The following CNGA1 variants were observed in gnomAD, a reference collection of about 807,000 sequenced individuals.
The protein encoded by CNGA1 is cyclic nucleotide gated channel subunit alpha 1, also known as cyclic nucleotide-gated channel alpha-1.
A neutral mutation model predicts 69.7 loss-of-function variants in CNGA1; 53 were observed. The observed-to-expected ratio is 0.76, with a 90% CI of 0.61 to 0.96. The LOEUF is 0.96. CNGA1 is among the 40% of genes least tolerant of loss of function. The pLI is 0.00. For synonymous variants in CNGA1, 249 were observed against 283.5 expected, an observed-to-expected ratio of 0.88 and a Z score of 1.22; for missense variants, 739 against 811.2, an observed-to-expected ratio of 0.91 and a Z score of 1.08.
chr4:47,982,893 C>T (rs1224422126), intron 2 of CNGA1, among the ~76,000 whole-genome samples: 3 of 152,148 alleles, frequency 2.0e-5, no homozygotes, highest in Non-Finnish European at 2.9e-5. Flanking sequence ...CAGCCTCCAT[C>T]TCCCAGGTTC....
chr4:47,939,237 C>T (rs1738918964), intron 10 of CNGA1, among the ~76,000 whole-genome samples: 1 of 152,130 alleles, frequency 6.6e-6, no homozygotes, highest in Non-Finnish European at 1.5e-5. Flanking sequence ...AATAGTCCAT[C>T]ATGCCTCCAT....
chr4:47,946,682 C>G (rs1387257172), intron 6 of CNGA1, among the ~76,000 whole-genome samples: 4 of 152,252 alleles, frequency 2.6e-5, no homozygotes, highest in Non-Finnish European at 4.4e-5. Flanking sequence ...ATCAATCCGT[C>G]ATATGATGAA....
intron 10 of CNGA1, among the ~76,000 whole-genome samples, chr4:47,939,633 C>G (rs1484381426): frequency 6.6e-6 from 1 of 152,158 alleles, no homozygotes; most frequent in African/African-American, 2.4e-5. Context: ...AGCCCTTAAC[C>G]TGTTGGGCCT....
At chr4:47,975,202 T>C (rs1741285331) in intron 3 of CNGA1, among the ~76,000 whole-genome samples, 1 of 152,164 alleles carries the variant, frequency 6.6e-6, no homozygotes, top group African/African-American at 2.4e-5. Flanking sequence ...AAAATAATAA[T>C]TATCCTTATA....
intron 2 of CNGA1, among the ~76,000 whole-genome samples, chr4:48,003,178 TG>T (rs924305430): frequency 6.6e-6 from 1 of 152,102 alleles, no homozygotes; most frequent in Admixed American, 6.5e-5. Context: ...TGGTTCTGTC[TG>T]GAAAGGCAGG....
intron 3 of CNGA1, among the ~76,000 whole-genome samples, chr4:47,961,721 G>C (rs12499841): frequency 0.64 from 97,649 of 152,046 alleles, 31,761 homozygotes; most frequent in Non-Finnish European, 0.69. Flanking sequence ...GAGCAAGATT[G>C]TGTTTCAAAA....
rs116846516 is a variant in CNGA1 at position 47,982,142 on chromosome 4, A to G, written c.-122-642T>C. 3.0e-4 allele frequency among the ~76,000 whole-genome samples: 45 copies of G among 152,338 alleles called. No homozygotes were observed. The East Asian group carries it at 8.7e-3, about 29-fold the overall frequency. On this transcript the variant is annotated intron_variant, in intron 2 of 10. Transcript: ENST00000514170. ...TAACCTAAAAGTAAATTTCCCTAAG[A>G]ACTCTTTTATGCAATATATGACAGG...
At chr4:47,956,562 G>A (rs1009932689) in intron 3 of CNGA1, among the ~76,000 whole-genome samples, 17 of 152,248 alleles carry the variant, frequency 1.1e-4, no homozygotes, top group African/African-American at 3.6e-4. Context: ...CTATTTCCAA[G>A]AATTAAAGCT....
At chr4:47,956,815 ATTG>A (rs1358876514) in intron 3 of CNGA1, among the ~76,000 whole-genome samples, 3 of 152,154 alleles carry the variant, frequency 2.0e-5, no homozygotes, top group African/African-American at 4.8e-5. Context: ...TTTTGTTGCT[ATTG>A]TTGTTGTTTG....
chr4:47,939,354 A>G (rs1328724667), intron 10 of CNGA1, among the ~76,000 whole-genome samples: 1 of 152,230 alleles, frequency 6.6e-6, no homozygotes, highest in Non-Finnish European at 1.5e-5. Context: ...CCATGGGGAC[A>G]AAAGCCCCTG....
chr4:47,977,359 G>A (rs2110210781), intron 3 of CNGA1, among the ~76,000 whole-genome samples: 1 of 152,260 alleles, frequency 6.6e-6, no homozygotes, highest in Middle Eastern at 3.4e-3. Context: ...GCTAAGGAGG[G>A]AGGCCTCAGA....
chr4:47,983,587 C>T (rs1200529341), intron 2 of CNGA1, among the ~76,000 whole-genome samples: 1 of 151,474 alleles, frequency 6.6e-6, no homozygotes, highest in Admixed American at 6.6e-5. Flanking sequence ...GAGACTTTGT[C>T]TCAAAAACAA....
At chr4:48,002,194 G>A (rs1035680100) in intron 2 of CNGA1, among the ~76,000 whole-genome samples, 12 of 152,104 alleles carry the variant, frequency 7.9e-5, no homozygotes, top group African/African-American at 2.9e-4. Context: ...ATAAAAATAA[G>A]AGTAGATATC....
intron 1 of CNGA1, among the ~76,000 whole-genome samples, chr4:48,014,805 G>A (rs1409850544): frequency 6.6e-6 from 1 of 152,168 alleles, no homozygotes; most frequent in Non-Finnish European, 1.5e-5. Context: ...CATAGATCAC[G>A]TTTACCATCA....
chr4:48,012,019 C>A (rs569657979), intron 1 of CNGA1, among the ~76,000 whole-genome samples: 1 of 152,126 alleles, frequency 6.6e-6, no homozygotes, highest in Non-Finnish European at 1.5e-5. Flanking sequence ...TTTAAAGATG[C>A]AAATTCTCCC....
chr4:47,943,177 T>G lies in CNGA1; in HGVS notation c.437+4A>C. On this transcript the variant is annotated splice_donor_region_variant and intron_variant, in intron 8 of 10. Transcript: ENST00000514170. ...TCTATTTCAATGCCACTAAAAGTGC[T>G]TACTCTTCTTTCTTATCTTTGCTTT... The G allele has an allele frequency of 1.3e-6, 2 of 1,585,994 alleles. No homozygotes were observed. The highest frequency in any genetic ancestry group is 1.7e-6 in the Non-Finnish European group (2 of 1,157,200).
intron 2 of CNGA1, among the ~76,000 whole-genome samples, chr4:47,992,452 G>T (rs1009212437): frequency 1.3e-5 from 2 of 150,838 alleles, no homozygotes; most frequent in African/African-American, 4.9e-5. Context: ...TTGAGTTCTT[G>T]ATTTGATTCT....
intron 3 of CNGA1, among the ~76,000 whole-genome samples, chr4:47,953,522 A>G (rs1739870111): frequency 6.6e-6 from 1 of 152,214 alleles, no homozygotes; most frequent in African/African-American, 2.4e-5. Flanking sequence ...AATTGATCAC[A>G]TTTTTAGCAA....
chr4:47,946,929 G>A (rs1171461303), intron 6 of CNGA1, among the ~76,000 whole-genome samples: 2 of 152,034 alleles, frequency 1.3e-5, no homozygotes, highest in Non-Finnish European at 2.9e-5. Context: ...GACTAAAGGC[G>A]TGCACCACCA....
Sources: gnomAD v4.1 joint callset for allele counts (sites outside exome capture counted in the v4.1 genomes callset) on GRCh38, gnomAD v4.1.1 for gene constraint, MANE v1.5 for transcripts, NCBI Gene and HGNC (gene_info 2026-07-23, HGNC 2026-07-21) for gene names.